VOPP1: variants seen among roughly 807,000 people sequenced by gnomAD.
The protein encoded by VOPP1 is WW domain binding protein VOPP1.
In VOPP1, 8 loss-of-function variants were observed where a neutral mutation model predicts 23.5. That is an observed-to-expected ratio of 0.34 (90% CI 0.20 to 0.61). The LOEUF (loss-of-function observed/expected upper bound fraction) is 0.61, where lower values mean the gene tolerates loss of function less well. VOPP1 is among the 20% of genes least tolerant of loss of function. The probability of loss-of-function intolerance (pLI) is 0.78; values close to 1 mark genes in which losing one functional copy is unlikely to be tolerated. For synonymous variants in VOPP1, 83 were observed against 97.3 expected (o/e 0.85, Z 0.86); for missense variants, 174 against 238.1 (o/e 0.73, Z 1.77).
At chr7:55,512,604 T>C (rs1795148026) in intron 2 of VOPP1, among the ~76,000 whole-genome samples, 1 of 152,204 alleles carries the variant, frequency 6.6e-6, no homozygotes. Flanking sequence ...CTCTTGAATA[T>C]CTGCCCCCTC....
intron 3 of VOPP1, 51 bp from the exon 4 acceptor site, chr7:55,492,469 G>A: frequency 6.4e-7 from 1 of 1,554,006 alleles, no homozygotes; most frequent in Non-Finnish European, 8.7e-7. Context: ...GGGCCCTGAG[G>A]GCTTGGCCCT....
At chr7:55,548,623 G>C (rs1020353183) in intron 1 of VOPP1, among the ~76,000 whole-genome samples, 1 of 152,176 alleles carries the variant, frequency 6.6e-6, no homozygotes, top group African/African-American at 2.4e-5. Context: ...CATGGGTGTG[G>C]GTGAACACGC....
At position 55,570,034 on chromosome 7, in the gene VOPP1, A is replaced by G. The variant is rs193300347; in HGVS notation, c.54+2237T>C. Among the ~76,000 whole-genome samples, 141 of 152,344 alleles carry G rather than the reference A, an allele frequency of 9.3e-4. 1 individual carries two copies. The highest frequency in any genetic ancestry group is 3.4e-3 in the African/African-American group (140 of 41,570). ...ATTTCCCAGGTTGCAGCCGGCAGTC[A>G]GAAGCCAGAAGCCACCAAATAGCTC... On this transcript the variant is annotated intron_variant, in intron 1 of 4. Coordinates refer to ENST00000285279, the MANE Select transcript of VOPP1 (RefSeq NM_030796.5).
intron 1 of VOPP1, among the ~76,000 whole-genome samples, chr7:55,541,944 A>G (rs1797150594): frequency 6.6e-6 from 1 of 152,240 alleles, no homozygotes; most frequent in South Asian, 2.1e-4. Context: ...TAAAGGTACA[A>G]GATTTCTTCT....
intron 1 of VOPP1, among the ~76,000 whole-genome samples, chr7:55,545,628 G>A (rs932275109): frequency 7.2e-5 from 11 of 152,154 alleles, no homozygotes; most frequent in South Asian, 2.1e-4. Flanking sequence ...CACAGCTTGC[G>A]GGCCACACTG....
chr7:55,485,755 G>T (rs1793092453), intron 4 of VOPP1, among the ~76,000 whole-genome samples: 1 of 152,226 alleles, frequency 6.6e-6, no homozygotes, highest in Admixed American at 6.5e-5. Flanking sequence ...GACGTGTTAG[G>T]CACAGGGACC....
At chr7:55,475,610 A>T (rs568693050) in intron 4 of VOPP1, among the ~76,000 whole-genome samples, 100 of 152,260 alleles carry the variant, frequency 6.6e-4, no homozygotes, top group African/African-American at 2.3e-3. Flanking sequence ...GACAGCCAGG[A>T]GCAAGGGGAC....
At chr7:55,499,853 C>T (rs1794244794) in intron 2 of VOPP1, among the ~76,000 whole-genome samples, 1 of 152,140 alleles carries the variant, frequency 6.6e-6, no homozygotes, top group Non-Finnish European at 1.5e-5. Context: ...GCTGTTTCTG[C>T]AGGCCAGCGC....
chr7:55,462,322 T>C (rs1054871268), intron 4 of VOPP1, among the ~76,000 whole-genome samples: 2 of 152,198 alleles, frequency 1.3e-5, no homozygotes, highest in African/African-American at 4.8e-5. Flanking sequence ...AGTGATAATA[T>C]ACCTTGGGGA....
chr7:55,544,901 T>C (rs543209024), intron 1 of VOPP1, among the ~76,000 whole-genome samples: 1 of 152,370 alleles, frequency 6.6e-6, no homozygotes, highest in African/African-American at 2.4e-5. Context: ...ATACTAAATG[T>C]GGATTTAACC....
At chr7:55,437,411 C>G (rs932871694) in intron 4 of VOPP1, among the ~76,000 whole-genome samples, 1 of 152,270 alleles carries the variant, frequency 6.6e-6, no homozygotes, top group African/African-American at 2.4e-5. Flanking sequence ...GGATTCTCGA[C>G]TGGTTATCCT....
At chr7:55,569,140 G>A (rs1432516348) in intron 1 of VOPP1, among the ~76,000 whole-genome samples, 3 of 152,200 alleles carry the variant, frequency 2.0e-5, no homozygotes, top group Non-Finnish European at 4.4e-5. Context: ...TAATAGAAAA[G>A]AAAGGTCAGT....
At chr7:55,563,324 G>A (rs907676795) in intron 1 of VOPP1, among the ~76,000 whole-genome samples, 15 of 151,986 alleles carry the variant, frequency 9.9e-5, no homozygotes, top group Admixed American at 7.9e-4. Flanking sequence ...GATTATTTGC[G>A]TTTTTTAAAA....
intron 1 of VOPP1, among the ~76,000 whole-genome samples, chr7:55,540,444 A>AATAT (rs1278816931): frequency 9.9e-5 from 14 of 141,520 alleles, no homozygotes; most frequent in Admixed American, 5.0e-4. Flanking sequence ...TAAATAAATA[A>AATAT]AAATAAATGA....
At chr7:55,525,350 G>T (rs28633735) in intron 1 of VOPP1, among the ~76,000 whole-genome samples, 1 of 151,980 alleles carries the variant, frequency 6.6e-6, no homozygotes, top group African/African-American at 2.4e-5. Flanking sequence ...TTAGCCGGGC[G>T]TGGTGGTGGG....
intron 4 of VOPP1, among the ~76,000 whole-genome samples, chr7:55,478,985 C>A (rs2129011796): frequency 6.6e-6 from 1 of 152,242 alleles, no homozygotes; most frequent in Middle Eastern, 3.4e-3. Flanking sequence ...ATGGAAGGAG[C>A]CCGGCCCGAG....
In VOPP1 at chr7:55,537,589, T is replaced by C. The variant is rs187586445; in HGVS notation, c.55-16459A>G. 9.9e-5 allele frequency: 152 copies of C among 1,535,884 alleles called. No homozygotes were observed. The East Asian group carries it at 3.5e-3, about 36-fold the overall frequency. ...CGCCAGCCAGTCGCCCACGGTCCTG[T>C]CACTGCTGGGTCACACGCAGCCCTC... is the stretch of plus-strand genomic sequence containing the variant. On this transcript the variant is annotated intron_variant, in intron 1 of 4. Transcript: ENST00000285279.
chr7:55,506,492 C>A (rs1467057488), intron 2 of VOPP1, among the ~76,000 whole-genome samples: 1 of 150,308 alleles, frequency 6.7e-6, no homozygotes, highest in African/African-American at 2.5e-5. Context: ...TGCGCCCCCA[C>A]GCCCAGCTAA....
intron 1 of VOPP1, chr7:55,552,748 G>A (rs146917136): frequency 3.9e-5 from 60 of 1,533,728 alleles, no homozygotes; most frequent in East Asian, 4.9e-5. Context: ...GCCGGCACAC[G>A]GAGTTCACGC....
Sources: gnomAD v4.1 joint callset for allele counts (sites outside exome capture counted in the v4.1 genomes callset) on GRCh38, gnomAD v4.1.1 for gene constraint, MANE v1.5 for transcripts, NCBI Gene and HGNC (gene_info 2026-07-23, HGNC 2026-07-21) for gene names.